Variants in LIFR observed in about 807,000 individuals in gnomAD.
LIFR encodes the protein LIF receptor subunit alpha, also known as leukemia inhibitory factor receptor.
In LIFR, 84 loss-of-function variants were observed where a neutral mutation model predicts 122.2. That is an observed-to-expected ratio of 0.69 (90% CI 0.58 to 0.82). The LOEUF (loss-of-function observed/expected upper bound fraction) is 0.82, where lower values mean the gene tolerates loss of function less well. Among genes scored for constraint, LIFR ranks in the 40% least tolerant of loss-of-function variants. LIFR has a pLI of 0.00. For missense variants in LIFR, 1,294 were observed against 1,311.6 expected (o/e 0.99, Z 0.21); for synonymous variants, 422 against 434.7 (o/e 0.97, Z 0.36).
At chr5:38,579,202 G>A (rs577497045) in intron 1 of LIFR, 3 of 152,210 alleles carry the variant, frequency 2.0e-5, no homozygotes, top group African/African-American at 7.2e-5. Flanking sequence ...TGGTCTTGTA[G>A]CAAAGGATAC....
Position 38,475,658 on chromosome 5 carries a change from T to C in LIFR, c.*5937A>G, listed in dbSNP as rs538503092. 1 of 187,024 alleles carries C rather than the reference T, an allele frequency of 5.3e-6. No homozygotes were observed. Among genetic ancestry groups the C allele is most frequent in the Non-Finnish European group, 1.1e-5 (1 of 88,304 alleles). The allele number at this position is 187,024 out of a possible 1,614,324, so 11.6% of individuals were successfully genotyped here. A position where few individuals can be genotyped will look rare whatever the true frequency, so the allele number is the denominator to read the frequency against. On this transcript the variant is annotated 3_prime_UTR_variant, in exon 20 of 20. Transcript: ENST00000453190. The stretch of plus-strand genomic sequence containing the variant: ...AAACCTTATAAAAGACAGAAACTTA[T>C]ATCTGTTCACAGTATGTGTATTTTG...
intron 1 of LIFR, among the ~76,000 whole-genome samples, chr5:38,531,298 T>G (rs1029554413): frequency 6.6e-6 from 1 of 152,228 alleles, no homozygotes; most frequent in Non-Finnish European, 1.5e-5. Context: ...ATCCTTATGA[T>G]ACACTGAAAA....
chr5:38,605,319 AC>A (rs1180379197), intron 2 of LIFR, among the ~76,000 whole-genome samples: 1 of 152,166 alleles, frequency 6.6e-6, no homozygotes, highest in Non-Finnish European at 1.5e-5. Context: ...AAGAGCAAGC[AC>A]TGTGTTCAAT....
At chr5:38,500,649 C>T (rs1745126908) in intron 11 of LIFR, among the ~76,000 whole-genome samples, 1 of 152,160 alleles carries the variant, frequency 6.6e-6, no homozygotes, top group Admixed American at 6.5e-5. Context: ...GTAATGCATA[C>T]TCAGTAAATA....
intron 2 of LIFR, among the ~76,000 whole-genome samples, chr5:38,602,603 G>T (rs887474686): frequency 6.6e-6 from 1 of 151,758 alleles, no homozygotes; most frequent in Non-Finnish European, 1.5e-5. Flanking sequence ...TTATCTTGCC[G>T]TCTAAATTCT....
At chr5:38,530,446 G>C in intron 2 of LIFR, 60 bp downstream of exon 2, 4 of 1,477,856 alleles carry the variant, frequency 2.7e-6, no homozygotes, top group Non-Finnish European at 3.8e-6. Flanking sequence ...AAATTGCTTC[G>C]TCATCAAAAT....
At chr5:38,569,720 C>G (rs1018181529) in intron 1 of LIFR, among the ~76,000 whole-genome samples, 16 of 152,190 alleles carry the variant, frequency 1.1e-4, no homozygotes, top group Non-Finnish European at 2.2e-4. Flanking sequence ...GCCTAATTGG[C>G]ACACCCTAAA....
intron 1 of LIFR, among the ~76,000 whole-genome samples, chr5:38,551,826 A>G (rs948948736): frequency 1.3e-5 from 2 of 152,124 alleles, no homozygotes; most frequent in Non-Finnish European, 1.5e-5. Flanking sequence ...TCCCAAACAC[A>G]TATCTTTGCT....
intron 6 of LIFR, among the ~76,000 whole-genome samples, chr5:38,511,145 T>C (rs868019777): frequency 5.3e-5 from 8 of 152,176 alleles, no homozygotes; most frequent in Non-Finnish European, 1.5e-5. Context: ...ATTTAGGGCA[T>C]ATGTCTTACT....
At chr5:38,594,634 C>A (rs917044093) in intron 1 of LIFR, among the ~76,000 whole-genome samples, 1 of 151,970 alleles carries the variant, frequency 6.6e-6, no homozygotes, top group African/African-American at 2.4e-5. Flanking sequence ...GAAATAAGGT[C>A]TAGTAATGAA....
rs1261807870 is a variant in LIFR at position 38,489,206 on chromosome 5, G to A, written c.2207C>T (p.Ser736Phe). The A allele has an allele frequency of 6.2e-7, 1 of 1,613,190 alleles. No homozygotes were observed. The highest frequency in any genetic ancestry group is 1.1e-5 in the South Asian group (1 of 91,070). ...VAPNFTVEDT[S>F]ADSILVKWED... ...CCATTTTACTAATATCGAATCTGCA[G>A]AAGTATCCTCAACAGTAAAATTTGG... The change falls in exon 16 of 20, where the codon TCT becomes TTT. Residue 736 changes from serine to phenylalanine, a missense_variant. Ser to Phe is a radical substitution (Grantham distance 155). Coordinates refer to ENST00000453190, the MANE Select transcript of LIFR (RefSeq NM_001127671.2).
intron 5 of LIFR, among the ~76,000 whole-genome samples, chr5:38,520,768 C>T (rs3110967): frequency 3.3e-5 from 5 of 152,138 alleles, no homozygotes; most frequent in Non-Finnish European, 7.4e-5. Context: ...TTTCTGGATT[C>T]TCTACTCTGT....
chr5:38,486,219 A>G (rs1316457797), intron 16 of LIFR, among the ~76,000 whole-genome samples: 3 of 152,212 alleles, frequency 2.0e-5, no homozygotes, highest in Non-Finnish European at 2.9e-5. Context: ...ATGAAATAGA[A>G]TATCATGACT....
chr5:38,493,934 A>G, intron 13 of LIFR, 149 bp from the exon 14 acceptor site: 2 of 694,436 alleles, frequency 2.9e-6, no homozygotes, highest in Non-Finnish European at 5.0e-6. Context: ...AGCAAAGATT[A>G]GAAGTGTTGC....
At chr5:38,559,225 C>T (rs980352607), upstream of LIFR, 1 of 152,330 alleles carries the variant, frequency 6.6e-6, no homozygotes, top group East Asian at 1.9e-4. Flanking sequence ...CACCACATTC[C>T]TTACACCATA....
rs1051779262 is a variant in LIFR at position 38,505,444 on chromosome 5, AC to A, written c.1291+460del. Among the ~76,000 whole-genome samples, 525 of 149,522 alleles carry A rather than the reference AC, an allele frequency of 3.5e-3. 3 individuals carry two copies. Among genetic ancestry groups the A allele is most frequent in the Non-Finnish European group, 5.9e-3 (401 of 67,566 alleles). ...CACACACACACACACACACACACAC[AC>A]GAGTACAAATGAATGCACATAAAAA... is the stretch of plus-strand genomic sequence containing the variant. On this transcript the variant is annotated intron_variant, in intron 9 of 19. Transcript: ENST00000453190.
intron 12 of LIFR, among the ~76,000 whole-genome samples, chr5:38,497,122 T>C (rs1157229776): frequency 1.3e-5 from 2 of 152,090 alleles, no homozygotes; most frequent in Non-Finnish European, 2.9e-5. Flanking sequence ...ATGACAAACA[T>C]GAAACCCTGT....
intron 1 of LIFR, among the ~76,000 whole-genome samples, chr5:38,543,256 T>C (rs562369748): frequency 1.1e-4 from 17 of 152,042 alleles, no homozygotes; most frequent in Admixed American, 2.6e-4. Flanking sequence ...GGCCACATGC[T>C]CCAGGGAGGC....
At chr5:38,566,711 T>C (rs184129322) in intron 1 of LIFR, among the ~76,000 whole-genome samples, 148 of 152,288 alleles carry the variant, frequency 9.7e-4, no homozygotes, top group African/African-American at 3.3e-3. Context: ...CCAACAGTCA[T>C]CCCTTTTCCT....
Sources: allele counts gnomAD v4.1 joint callset (sites outside exome capture counted in the v4.1 genomes callset), GRCh38; gene constraint gnomAD v4.1.1; transcripts MANE v1.5; gene names NCBI Gene and HGNC (gene_info 2026-07-23, HGNC 2026-07-21).